Variants in PLD1 observed in about 807,000 individuals in gnomAD.
PLD1 encodes the protein choline phosphatase 1.
Under a neutral mutation model 137.1 loss-of-function variants are expected in PLD1, and 112 were observed. That is an observed-to-expected ratio of 0.82 (90% CI 0.70 to 0.96). The LOEUF (loss-of-function observed/expected upper bound fraction) is 0.96, where lower values mean the gene tolerates loss of function less well. PLD1 is among the 40% of genes least tolerant of loss of function. The pLI is 0.00. For missense variants in PLD1, 1,321 were observed against 1,342.0 expected (o/e 0.98, Z 0.24); for synonymous variants, 431 against 454.7 (o/e 0.95, Z 0.66).
At chr3:171,634,564 GTAC>G (rs937001450) in intron 23 of PLD1, among the ~76,000 whole-genome samples, 7 of 152,110 alleles carry the variant, frequency 4.6e-5, no homozygotes, top group Admixed American at 3.9e-4. Context: ...TATTGGTGAT[GTAC>G]ATATCTTTTG....
chr3:171,603,056 T>C lies in PLD1; in HGVS notation c.*22A>G. The C allele has an allele frequency of 6.4e-7, 1 of 1,566,654 alleles. No homozygotes were observed. The highest frequency in any genetic ancestry group is 8.8e-7 in the Non-Finnish European group (1 of 1,139,340). The stretch of plus-strand genomic sequence containing the variant: ...AGTGTGGTCTCCAGGGTGGAAGTCT[T>C]TGAGCTGCCAATGAATATCTCTTAA... On this transcript the variant is annotated 3_prime_UTR_variant, in exon 27 of 27. Transcript: ENST00000351298.
At chr3:171,799,320 C>G (rs191541775) in intron 1 of PLD1, among the ~76,000 whole-genome samples, 144 of 103,290 alleles carry the variant, frequency 1.4e-3, no homozygotes, top group African/African-American at 5.3e-3. Flanking sequence ...GCCTGGGCAA[C>G]AGAACGAGAC....
chr3:171,781,022 T>A (rs1418056680), intron 1 of PLD1, among the ~76,000 whole-genome samples: 4 of 152,014 alleles, frequency 2.6e-5, no homozygotes, highest in African/African-American at 4.8e-5. Context: ...ATAAAAAAAA[T>A]AAAACTAAAG....
chr3:171,764,520 C>T (rs930630640), intron 1 of PLD1, among the ~76,000 whole-genome samples: 1 of 151,984 alleles, frequency 6.6e-6, no homozygotes, highest in Non-Finnish European at 1.5e-5. Flanking sequence ...GCAACATGGC[C>T]TACAACACAC....
At chr3:171,659,675 A>C (rs1001606405) in intron 20 of PLD1, among the ~76,000 whole-genome samples, 1 of 152,220 alleles carries the variant, frequency 6.6e-6, no homozygotes, top group Non-Finnish European at 1.5e-5. Flanking sequence ...ATGATTAAAA[A>C]TTCTATATTG....
rs1209076610 is a variant in PLD1 at position 171,674,533 on chromosome 3, A to C, written c.2196T>G (p.Tyr732Ter). 1.9e-6 allele frequency: 3 copies of C among 1,608,792 alleles called. No individual in the cohort carries two copies. Among genetic ancestry groups the C allele is most frequent in the Non-Finnish European group, 2.6e-6 (3 of 1,175,444 alleles). The change falls in exon 19 of 27, where the codon TAT (tyrosine) becomes TAG (stop). Residue 732 changes from tyrosine (Y) to a stop codon, truncating the protein, a stop_gained. Transcript: ENST00000351298. LOFTEE classifies it high-confidence loss of function. ...KSQTTAHELR[Y>*]QVPGSVHANV... ...TAGCATGGACAGACCCAGGCACTTG[A>C]TATCTCAACTCATGGGCTGTTGTTT...
chr3:171,621,995 A>T (rs1387981696), intron 23 of PLD1, among the ~76,000 whole-genome samples: 1 of 152,228 alleles, frequency 6.6e-6, no homozygotes, highest in African/African-American at 2.4e-5. Flanking sequence ...TGCTAAAAAA[A>T]GCTAAATAAA....
At chr3:171,737,702 C>A in intron 2 of PLD1, 43 bp from the exon 3 acceptor site, 1 of 1,404,864 alleles carries the variant, frequency 7.1e-7, no homozygotes, top group Admixed American at 2.1e-5. Context: ...ATATGATTAG[C>A]ATAACTTGTC....
At chr3:171,801,238 T>A (rs1027416987) in intron 1 of PLD1, among the ~76,000 whole-genome samples, 3 of 152,172 alleles carry the variant, frequency 2.0e-5, no homozygotes, top group African/African-American at 7.2e-5. Context: ...GCTTGATAAA[T>A]TCTTCAACAC....
intron 26 of PLD1, among the ~76,000 whole-genome samples, chr3:171,604,953 G>A (rs1477501635): frequency 6.6e-6 from 1 of 152,202 alleles, no homozygotes. Flanking sequence ...AGCTAGGCTG[G>A]ACTCAGCTGT....
At chr3:171,807,446 G>A (rs553605274) in intron 1 of PLD1, among the ~76,000 whole-genome samples, 9 of 152,320 alleles carry the variant, frequency 5.9e-5, no homozygotes, top group Non-Finnish European at 1.0e-4. Context: ...GTGGATGGAT[G>A]GTGGTGACGG....
At position 171,733,468 on chromosome 3, in the gene PLD1, G is replaced by T; in HGVS notation, c.582C>A (p.Pro194=). 1 of 1,368,102 alleles carries T rather than the reference G, an allele frequency of 7.3e-7. No individual in the cohort carries two copies. Among genetic ancestry groups the T allele is most frequent in the Non-Finnish European group, 1.0e-6 (1 of 959,856 alleles). The allele number at this position is 1,368,102 out of a possible 1,614,324, so 84.7% of individuals were successfully genotyped here. A position where few individuals can be genotyped will look rare whatever the true frequency, so the allele number is the denominator to read the frequency against. The change falls in exon 6 of 27, where the codon CCC becomes CCA. Residue 194 remains proline, a synonymous_variant. Transcript: ENST00000351298. ...EDYLTKILKM[P]MYRNYHATTE... is the part of the protein sequence containing the mutation. ...CTGTGGCATGATAGTTTCTATACAT[G>T]GGCATTTTTAGTATCTTTGTCAAGT...
chr3:171,735,874 C>T (rs761753090), intron 3 of PLD1, among the ~76,000 whole-genome samples: 1 of 152,188 alleles, frequency 6.6e-6, no homozygotes, highest in South Asian at 2.1e-4. Context: ...ACGATTCCTA[C>T]AAACGCTGTT....
At chr3:171,723,558 G>A (rs1055396053) in intron 8 of PLD1, among the ~76,000 whole-genome samples, 25 of 152,176 alleles carry the variant, frequency 1.6e-4, no homozygotes, top group African/African-American at 5.8e-4. Flanking sequence ...ACTGTTCTCC[G>A]TAGTCGTCGT....
At chr3:171,635,816 C>T (rs943311846) in intron 23 of PLD1, among the ~76,000 whole-genome samples, 26 of 151,674 alleles carry the variant, frequency 1.7e-4, no homozygotes, top group African/African-American at 6.3e-4. Context: ...TTTGCTTGTG[C>T]TTTTGGTGTA....
chr3:171,612,243 G>T lies in PLD1; in HGVS notation c.2882+36C>A. On this transcript the variant is annotated intron_variant, in intron 25 of 26. Transcript: ENST00000351298. The surrounding 1 kb of genome is among the most constrained non-coding windows in gnomAD (Gnocchi z 4.1). The stretch of plus-strand genomic sequence containing the variant: ...CTGGGTCCCAGCGACTGCTGCAGTG[G>T]AAATGCATCAGAGAGACACACTTTG... 2 of 1,601,980 alleles carry T rather than the reference G, an allele frequency of 1.2e-6. No homozygotes were observed. Among genetic ancestry groups the T allele is most frequent in the Non-Finnish European group, 1.7e-6 (2 of 1,170,424 alleles).
At chr3:171,672,326 C>A (rs1421541040) in intron 19 of PLD1, among the ~76,000 whole-genome samples, 1 of 152,178 alleles carries the variant, frequency 6.6e-6, no homozygotes, top group Non-Finnish European at 1.5e-5. Context: ...AAACGGACAA[C>A]ACTTAGTAAA....
At chr3:171,622,192 C>T (rs1425551291) in intron 23 of PLD1, among the ~76,000 whole-genome samples, 2 of 152,138 alleles carry the variant, frequency 1.3e-5, no homozygotes, top group Non-Finnish European at 2.9e-5. Context: ...TATTTTTTTA[C>T]AGTAATTTCC....
At chr3:171,797,857 C>T (rs1359995225) in intron 1 of PLD1, among the ~76,000 whole-genome samples, 3 of 151,792 alleles carry the variant, frequency 2.0e-5, no homozygotes, top group Non-Finnish European at 4.4e-5. Context: ...TTTTTTCCCT[C>T]AATCTTTAGA....
Sources: allele counts gnomAD v4.1 joint callset (sites outside exome capture counted in the v4.1 genomes callset), GRCh38; gene constraint gnomAD v4.1.1; non-coding constraint Gnocchi (gnomAD v3.1); transcripts MANE v1.5; gene names NCBI Gene and HGNC (gene_info 2026-07-23, HGNC 2026-07-21).